Variants in TTC39B observed in about 807,000 individuals in gnomAD.
TTC39B encodes the protein tetratricopeptide repeat domain 39B, also known as tetratricopeptide repeat protein 39B.
TTC39B carries 92 observed loss-of-function variants against 96.6 expected under a neutral mutation model. That is an observed-to-expected ratio of 0.95 (90% CI 0.80 to 1.13). The LOEUF (loss-of-function observed/expected upper bound fraction) is 1.13, where lower values mean the gene tolerates loss of function less well. TTC39B is among the 50% of genes most tolerant of loss of function. TTC39B has a pLI of 0.00. For synonymous variants in TTC39B, 367 were observed against 299.4 expected, an observed-to-expected ratio of 1.23 and a Z score of -2.33; for missense variants, 955 against 809.3, an observed-to-expected ratio of 1.18 and a Z score of -2.18.
At chr9:15,272,416 A>G (rs907662020) in intron 1 of TTC39B, among the ~76,000 whole-genome samples, 2 of 151,984 alleles carry the variant, frequency 1.3e-5, no homozygotes, top group Admixed American at 1.3e-4. Flanking sequence ...GAGCATCCTG[A>G]CTCCTTCCAA....
chr9:15,218,998 T>A (rs888507826), intron 3 of TTC39B, among the ~76,000 whole-genome samples: 2 of 152,176 alleles, frequency 1.3e-5, no homozygotes, highest in African/African-American at 2.4e-5. Context: ...AACTGGTGAC[T>A]TTTTTCTCCT....
intron 1 of TTC39B, among the ~76,000 whole-genome samples, chr9:15,276,555 T>C (rs1026509164): frequency 1.3e-5 from 2 of 152,190 alleles, no homozygotes; most frequent in Non-Finnish European, 2.9e-5. Flanking sequence ...ATAGTCACAA[T>C]ACAAAGTCCA....
intron 2 of TTC39B, among the ~76,000 whole-genome samples, chr9:15,252,182 T>C (rs1296569006): frequency 6.6e-6 from 1 of 152,186 alleles, no homozygotes; most frequent in Non-Finnish European, 1.5e-5. Context: ...ACACCTTCAT[T>C]TTTCCATCAA....
rs555953189 is a variant in TTC39B at position 15,220,928 on chromosome 9, C to T, written c.371+4989G>A. Among the ~76,000 whole-genome samples, 25 of 152,236 alleles carry T rather than the reference C, an allele frequency of 1.6e-4. No individual in the cohort carries two copies. In the South Asian group the frequency reaches 3.7e-3, roughly 23 times the overall value. The stretch of plus-strand genomic sequence containing the variant: ...TCTGATTTTGGAAGCTAAGCAAGGT[C>T]GAGCCTGGTTAGTACTTGGACAAGA... On this transcript the variant is annotated intron_variant, in intron 3 of 19. Coordinates refer to ENST00000512701, the Ensembl canonical transcript of TTC39B.
In TTC39B at chr9:15,257,543, G is replaced by A. The variant is rs114930591; in HGVS notation, c.275+10371C>T. On this transcript the variant is annotated intron_variant, in intron 2 of 19. Transcript: ENST00000512701. The stretch of plus-strand genomic sequence containing the variant: ...AGCTCAACACAGCCTCGACTTCTGC[G>A]GCTCAAATGATCCTCTCATCTCAGC... 7.2e-3 allele frequency among the ~76,000 whole-genome samples: 1,092 copies of A among 151,968 alleles called. 6 individuals carry two copies. Among genetic ancestry groups the A allele is most frequent in the African/African-American group, 0.025 (1,043 of 41,490 alleles).
At chr9:15,246,629 T>C (rs534029653) in intron 2 of TTC39B, among the ~76,000 whole-genome samples, 1 of 152,346 alleles carries the variant, frequency 6.6e-6, no homozygotes, top group Non-Finnish European at 1.5e-5. Flanking sequence ...AGTTGCTACT[T>C]CTTGTCATTT....
chr9:15,194,892 C>T (rs944923135), intron 8 of TTC39B, among the ~76,000 whole-genome samples: 2 of 152,152 alleles, frequency 1.3e-5, no homozygotes, highest in South Asian at 4.1e-4. Context: ...CTCAGGCCTC[C>T]CTATTCCCTC....
At chr9:15,287,297 G>A (rs1319677651) in intron 1 of TTC39B, among the ~76,000 whole-genome samples, 2 of 152,160 alleles carry the variant, frequency 1.3e-5, no homozygotes, top group Non-Finnish European at 1.5e-5. Context: ...GAAATCTATA[G>A]TGACATCTGA....
Position 15,172,119 on chromosome 9 carries a change from A to G in TTC39B, c.1959-10T>C, listed in dbSNP as rs778431101. ...ATCTTTGTAGTTGTTCCTGAAGACA[A>G]TAACAATAAAATTGTACAGTCAAAA... On this transcript the variant is annotated splice_polypyrimidine_tract_variant and intron_variant, in intron 19 of 19. Transcript: ENST00000512701. The G allele has an allele frequency of 1.2e-6, 2 of 1,605,004 alleles. No individual in the cohort carries two copies. The highest frequency in any genetic ancestry group is 2.7e-5 in the African/African-American group (2 of 74,704).
Position 15,172,138 on chromosome 9 carries a change from G to T in TTC39B, c.1959-29C>A, listed in dbSNP as rs1473216370. On this transcript the variant is annotated intron_variant, in intron 19 of 19. Coordinates refer to ENST00000512701, the Ensembl canonical transcript of TTC39B. The stretch of plus-strand genomic sequence containing the variant: ...AAGACAATAACAATAAAATTGTACA[G>T]TCAAAATTTCCTTATATACCAGGTA... 7 of 1,565,186 alleles carry T rather than the reference G, an allele frequency of 4.5e-6. No individual in the cohort carries two copies. The African/African-American group carries it at 5.4e-5, about 12-fold the overall frequency.
At chr9:15,250,666 GAAGTGGT>G (rs1293681962) in intron 2 of TTC39B, among the ~76,000 whole-genome samples, 1 of 152,186 alleles carries the variant, frequency 6.6e-6, no homozygotes, top group African/African-American at 2.4e-5. Flanking sequence ...AACAATATTT[GAAGTGGT>G]TTTGATGAAA....
chr9:15,185,470 G>C, intron 15 of TTC39B, 64 bp from the exon 16 acceptor site: 1 of 1,596,436 alleles, frequency 6.3e-7, no homozygotes, highest in Non-Finnish European at 8.5e-7. Context: ...ATTTGTACCT[G>C]TGGTTTTCAC....
At chr9:15,272,540 C>T (rs951445132) in intron 1 of TTC39B, among the ~76,000 whole-genome samples, 12 of 152,188 alleles carry the variant, frequency 7.9e-5, no homozygotes, top group African/African-American at 2.7e-4. Flanking sequence ...TGCCCTACTC[C>T]CATACCAGGG....
chr9:15,167,501 C>G (rs1204216415), exon 20 of TTC39B: 2 of 152,180 alleles, frequency 1.3e-5, no homozygotes, highest in Non-Finnish European at 2.9e-5. Flanking sequence ...GCCTGTAATC[C>G]CAGCACTTTG....
At chr9:15,289,686 T>A (rs1396571634) in intron 1 of TTC39B, among the ~76,000 whole-genome samples, 1 of 152,166 alleles carries the variant, frequency 6.6e-6, no homozygotes, top group Non-Finnish European at 1.5e-5. Context: ...TTTTTTTTAT[T>A]CTTTGTCCTA....
In TTC39B at chr9:15,250,020, G is replaced by C. The variant is rs143599735; in HGVS notation, c.275+17894C>G. 1,263 of 1,287,674 alleles carry C rather than the reference G, an allele frequency of 9.8e-4. 11 individuals carry two copies. The African/African-American group carries it at 0.018, about 18-fold the overall frequency. 79.8% of individuals were successfully genotyped at this position (1,287,674 alleles called of 1,614,324 possible). On this transcript the variant is annotated intron_variant, in intron 2 of 19. Coordinates refer to ENST00000512701, the Ensembl canonical transcript of TTC39B. ...TTTTTTTTTAAGCCAACTAAAAGAA[G>C]AGACAAACCTCAATTTTAGAGCCAA...
At chr9:15,201,537 G>A (rs1203762893) in intron 7 of TTC39B, among the ~76,000 whole-genome samples, 3 of 152,144 alleles carry the variant, frequency 2.0e-5, no homozygotes, top group African/African-American at 4.8e-5. Flanking sequence ...GGTATAGAAA[G>A]GCAAAGCAGA....
At position 15,283,053 on chromosome 9, in the gene TTC39B, G is replaced by A. The variant is rs182662674; in HGVS notation, c.241-15105C>T. Among the ~76,000 whole-genome samples, 19 of 152,208 alleles carry A rather than the reference G, an allele frequency of 1.2e-4. No individual in the cohort carries two copies. The East Asian group carries it at 2.9e-3, about 23-fold the overall frequency. On this transcript the variant is annotated intron_variant, in intron 1 of 19. Transcript: ENST00000512701. The stretch of plus-strand genomic sequence containing the variant: ...TTGTTTCACGTCTGCCCTCCCTCCA[G>A]GCGGCATTTACCATAAGGCATATCT...
At chr9:15,273,879 C>T (rs1450715768) in intron 1 of TTC39B, among the ~76,000 whole-genome samples, 2 of 152,184 alleles carry the variant, frequency 1.3e-5, no homozygotes, top group Non-Finnish European at 2.9e-5. Context: ...CAACTTCCCC[C>T]CAGGACTGAG....
Sources: gnomAD v4.1 joint callset for allele counts (sites outside exome capture counted in the v4.1 genomes callset) on GRCh38, gnomAD v4.1.1 for gene constraint, MANE v1.5 for transcripts, NCBI Gene and HGNC (gene_info 2026-07-23, HGNC 2026-07-21) for gene names.